ITIH2: variants seen among roughly 807,000 people sequenced by gnomAD.
The protein encoded by ITIH2 is inter-alpha-trypsin inhibitor heavy chain H2.
ITIH2 carries 103 observed loss-of-function variants against 104.4 expected under a neutral mutation model. The observed-to-expected ratio is 0.99, with a 90% CI of 0.84 to 1.16. The LOEUF is 1.16. Ranked by LOEUF, ITIH2 falls within the 50% of genes most tolerant of loss-of-function variation. The pLI is 0.00. For synonymous variants in ITIH2, 436 were observed against 435.4 expected (o/e 1.00, Z -0.02); for missense variants, 1,108 against 1,162.4 (o/e 0.95, Z 0.68).
chr10:7,727,169 C>T, intron 10 of ITIH2, 51 bp downstream of exon 10: 1 of 1,473,146 alleles, frequency 6.8e-7, no homozygotes, highest in East Asian at 2.3e-5. Context: ...GGGTTCAAAT[C>T]ATGATTCACT....
intron 2 of ITIH2, 25 bp downstream of exon 2, chr10:7,705,207 G>A (rs1469612551): frequency 1.3e-6 from 2 of 1,500,110 alleles, no homozygotes; most frequent in Non-Finnish European, 1.8e-6. Flanking sequence ...ACTCCCAAAA[G>A]GGGGAAAAAA....
intron 6 of ITIH2, among the ~76,000 whole-genome samples, chr10:7,720,396 A>C (rs1373617888): frequency 6.6e-6 from 1 of 152,220 alleles, no homozygotes; most frequent in African/African-American, 2.4e-5. Flanking sequence ...AGAATCACCA[A>C]AGGGGATTTC....
rs1458128220 is a variant in ITIH2, at chr10:7,726,846, GAGA to G, written c.985-99_985-97del. 5.0e-6 allele frequency: 5 copies of G among 1,004,024 alleles called. No homozygotes were observed. In the East Asian group the frequency reaches 7.5e-5, roughly 15 times the overall value. 62.2% of individuals were successfully genotyped at this position (1,004,024 alleles called of 1,614,324 possible). Reference sequence around the variant, plus strand: ...AGGTTTTCTGGAAGAAGTTTAGCTTGAGAAGAACTTGAAAGATGACCAGGATCA... The same window carrying G: ...AGGTTTTCTGGAAGAAGTTTAGCTTGAGAACTTGAAAGATGACCAGGATCA... On this transcript the variant is annotated intron_variant, in intron 9 of 20. Coordinates refer to ENST00000358415, the MANE Select transcript of ITIH2 (RefSeq NM_002216.3).
intron 6 of ITIH2, among the ~76,000 whole-genome samples, chr10:7,720,221 G>T (rs894455042): frequency 6.6e-6 from 1 of 152,164 alleles, no homozygotes; most frequent in Admixed American, 6.5e-5. Flanking sequence ...TGCACTAAAA[G>T]CCTGGGCTTC....
intron 14 of ITIH2, among the ~76,000 whole-genome samples, chr10:7,733,757 C>T (rs1426099193): frequency 6.6e-6 from 1 of 152,072 alleles, no homozygotes; most frequent in Non-Finnish European, 1.5e-5. Context: ...TTCCCATTCC[C>T]AAGCCTCATT....
chr10:7,717,275 GA>G (rs1383280831), intron 5 of ITIH2, among the ~76,000 whole-genome samples: 4 of 152,126 alleles, frequency 2.6e-5, no homozygotes, highest in Admixed American at 1.3e-4. Flanking sequence ...TTTATCATCT[GA>G]AAAGTCAGGG....
At position 7,732,432 on chromosome 10, in the gene ITIH2, G is replaced by C; in HGVS notation, c.1742G>C (p.Arg581Thr). 1 of 1,614,024 alleles carries C rather than the reference G, an allele frequency of 6.2e-7. No individual in the cohort carries two copies. Among genetic ancestry groups the C allele is most frequent in the Non-Finnish European group, 8.5e-7 (1 of 1,179,994 alleles). The part of the protein sequence containing the change: ...KDKHADPDFT[R>T]KLWAYLTINQ... ...AAGCATGCAGATCCCGATTTCACCA[G>C]GAAACTGTGGGCCTATCTAACCATC... The change falls in exon 14 of 21, where the codon AGG becomes ACG. Residue 581 changes from arginine (R) to threonine (T), a missense_variant. Coordinates refer to ENST00000358415, the MANE Select transcript of ITIH2 (RefSeq NM_002216.3).
intron 16 of ITIH2, among the ~76,000 whole-genome samples, chr10:7,741,176 T>G (rs926886246): frequency 7.1e-4 from 31 of 43,592 alleles, no homozygotes; most frequent in African/African-American, 1.4e-3. Flanking sequence ...GTTTAAGGTT[T>G]TTTTTTTTTT....
chr10:7,734,983 C>G lies in ITIH2; in HGVS notation c.1849C>G (p.Leu617Val). 1 of 1,613,914 alleles carries G rather than the reference C, an allele frequency of 6.2e-7. No homozygotes were observed. The highest frequency in any genetic ancestry group is 8.5e-7 in the Non-Finnish European group (1 of 1,179,986). ...RITRSILQMS[L>V]DHHIVTPLTS... Reference sequence around the variant, plus strand: ...TACAAGATCGATCCTGCAGATGTCTCTAGACCACCACATTGTGACTCCGCT... The same window carrying G: ...TACAAGATCGATCCTGCAGATGTCTGTAGACCACCACATTGTGACTCCGCT... The change falls in exon 15 of 21, where the codon CTA becomes GTA. Residue 617 changes from leucine (L) to valine (V), a missense_variant. Coordinates refer to ENST00000358415, the MANE Select transcript of ITIH2 (RefSeq NM_002216.3).
intron 10 of ITIH2, among the ~76,000 whole-genome samples, 194 bp downstream of exon 10, chr10:7,727,312 C>T (rs1220473735): frequency 1.3e-5 from 2 of 152,222 alleles, no homozygotes; most frequent in African/African-American, 2.4e-5. Context: ...CCCACATAAG[C>T]TTTGAACCGT....
intron 19 of ITIH2, 137 bp from the exon 20 acceptor site, chr10:7,746,456 T>A: frequency 1.6e-6 from 1 of 621,324 alleles, no homozygotes; most frequent in South Asian, 2.0e-5. Context: ...CCATCACCAC[T>A]CCTTTTTCCT....
At chr10:7,705,398 T>C (rs1326479531) in intron 2 of ITIH2, among the ~76,000 whole-genome samples, 1 of 152,064 alleles carries the variant, frequency 6.6e-6, no homozygotes, top group Admixed American at 6.6e-5. Flanking sequence ...ACCATAATGC[T>C]CAATTTAGTC....
At chr10:7,726,241 A>G (rs1460521065) in intron 9 of ITIH2, among the ~76,000 whole-genome samples, 2 of 152,224 alleles carry the variant, frequency 1.3e-5, no homozygotes, top group African/African-American at 2.4e-5. Context: ...GTGGATGCAC[A>G]TGAGGTTTGT....
intron 1 of ITIH2, 151 bp downstream of exon 1, chr10:7,703,669 T>C (rs1834718377): frequency 1.6e-6 from 1 of 608,604 alleles, no homozygotes; most frequent in African/African-American, 1.9e-5. Context: ...TTATAATTAC[T>C]GGAATGTATA....
intron 6 of ITIH2, among the ~76,000 whole-genome samples, chr10:7,719,348 G>A (rs1465172582): frequency 6.6e-6 from 1 of 152,152 alleles, no homozygotes. Flanking sequence ...CACGTGACTT[G>A]GCCAAGATGC....
intron 3 of ITIH2, among the ~76,000 whole-genome samples, 190 bp downstream of exon 3, chr10:7,707,423 G>A (rs1227587083): frequency 6.6e-6 from 1 of 152,054 alleles, no homozygotes; most frequent in East Asian, 1.9e-4. Context: ...AGACAGGAGA[G>A]AGGCCACCAA....
In ITIH2 at chr10:7,730,198, G is replaced by A. The variant is rs1198427348; in HGVS notation, c.1461+65G>A. On this transcript the variant is annotated intron_variant, in intron 12 of 20. Transcript: ENST00000358415. The stretch of plus-strand genomic sequence containing the variant: ...AATCATTTAACTACCCATATCTGAT[G>A]CAGGTATGATGCATAACTGAACTTA... The A allele has an allele frequency of 1.2e-5, 15 of 1,201,260 alleles. No homozygotes were observed. In the East Asian group the frequency reaches 3.5e-4, roughly 28 times the overall value. 74.4% of individuals were successfully genotyped at this position (1,201,260 alleles called of 1,614,324 possible). A position where few individuals can be genotyped will look rare whatever the true frequency, so the allele number is the denominator to read the frequency against.
At chr10:7,740,118 G>A (rs1051633046) in intron 16 of ITIH2, among the ~76,000 whole-genome samples, 7 of 152,002 alleles carry the variant, frequency 4.6e-5, no homozygotes, top group African/African-American at 1.4e-4. Context: ...CCTGGGAGGC[G>A]GAGGTTGTAG....
intron 11 of ITIH2, among the ~76,000 whole-genome samples, chr10:7,728,694 C>G (rs1039643525): frequency 2.6e-5 from 4 of 152,118 alleles, no homozygotes; most frequent in African/African-American, 9.7e-5. Context: ...CTGTGCCAAG[C>G]TATCTTTGTT....
Sources: gnomAD v4.1 joint callset for allele counts (sites outside exome capture counted in the v4.1 genomes callset) on GRCh38, gnomAD v4.1.1 for gene constraint, MANE v1.5 for transcripts, NCBI Gene and HGNC (gene_info 2026-07-23, HGNC 2026-07-21) for gene names.